The following UBE2D4 variants were observed in gnomAD, a reference collection of about 807,000 sequenced individuals.
UBE2D4 encodes the protein ubiquitin-conjugating enzyme E2 D4.
Under a neutral mutation model 23.0 loss-of-function variants are expected in UBE2D4, and 17 were observed. The observed-to-expected ratio is 0.74, with a 90% CI of 0.51 to 1.11. The LOEUF (loss-of-function observed/expected upper bound fraction) is 1.11. UBE2D4 is among the 50% of genes least tolerant of loss of function. The probability of loss-of-function intolerance (pLI) is 0.00; values close to 1 mark genes in which losing one functional copy is unlikely to be tolerated. For synonymous variants in UBE2D4, 61 were observed against 69.4 expected (o/e 0.88, Z 0.60); for missense variants, 139 against 181.8 (o/e 0.76, Z 1.35).
At chr7:43,935,893 C>T (rs1452538025) in intron 1 of UBE2D4, among the ~76,000 whole-genome samples, 1 of 152,152 alleles carries the variant, frequency 6.6e-6, no homozygotes. Context: ...CCATAGATAT[C>T]AGTGTTCTGC....
intron 1 of UBE2D4, among the ~76,000 whole-genome samples, chr7:43,933,104 TA>T: frequency 6.7e-6 from 1 of 148,884 alleles, no homozygotes. Flanking sequence ...TGTATATATA[TA>T]ACATATATAC....
Position 43,952,669 on chromosome 7 carries a change from G to C in UBE2D4, c.418G>C (p.Glu140Gln). ...TTCCAGGTACAACAGACTAGCAAGAGAGTGGACACAAAAATATGCTATGTA... is the reference window on the plus strand; with the variant it reads ...TTCCAGGTACAACAGACTAGCAAGACAGTGGACACAAAAATATGCTATGTA... Reference protein sequence around the residue: ...DREKYNRLAREWTQKYAM With the variant: ...DREKYNRLARQWTQKYAM Residue 140 changes from glutamate (E) to glutamine (Q), a missense_variant, in exon 7 of 7, where the codon GAG becomes CAG. Coordinates refer to ENST00000222402, the MANE Select transcript of UBE2D4 (RefSeq NM_015983.4). 6.2e-7 allele frequency: 1 copy of C among 1,613,942 alleles called. No individual in the cohort carries two copies. Among genetic ancestry groups the C allele is most frequent in the East Asian group, 2.2e-5 (1 of 44,874 alleles).
At chr7:43,951,757 G>A (rs914976472) in intron 6 of UBE2D4, among the ~76,000 whole-genome samples, 3 of 152,112 alleles carry the variant, frequency 2.0e-5, no homozygotes, top group East Asian at 3.9e-4. Flanking sequence ...TCCTGGACTC[G>A]AGCAATCTGC....
At chr7:43,937,465 T>C (rs959618682) in intron 1 of UBE2D4, among the ~76,000 whole-genome samples, 4 of 152,226 alleles carry the variant, frequency 2.6e-5, no homozygotes, top group African/African-American at 9.6e-5. Context: ...TAATGCTGCT[T>C]CCTGAGTGCT....
At chr7:43,940,657 C>T (rs568477828) in intron 2 of UBE2D4, among the ~76,000 whole-genome samples, 86 of 152,300 alleles carry the variant, frequency 5.6e-4, no homozygotes, top group South Asian at 1.2e-3. Flanking sequence ...TATCCTTTCT[C>T]GTCCTCTTGC....
intron 1 of UBE2D4, among the ~76,000 whole-genome samples, chr7:43,928,921 G>A (rs2095939448): frequency 6.6e-6 from 1 of 152,142 alleles, no homozygotes; most frequent in African/African-American, 2.4e-5. Flanking sequence ...AAACAAGTTT[G>A]GGCCTTGAGC....
intron 2 of UBE2D4, chr7:43,940,937 A>T (rs1028756114): frequency 2.0e-5 from 3 of 152,216 alleles, no homozygotes; most frequent in African/African-American, 4.8e-5. Context: ...TATTACAGGT[A>T]AAGGTGTTCT....
chr7:43,932,613 C>T, intron 1 of UBE2D4, among the ~76,000 whole-genome samples: 1 of 151,896 alleles, frequency 6.6e-6, no homozygotes, highest in Non-Finnish European at 1.5e-5. Context: ...GCCAACATGG[C>T]AAAACCCTGT....
At chr7:43,946,012 G>C (rs2095986228) in intron 4 of UBE2D4, 1 of 151,952 alleles carries the variant, frequency 6.6e-6, no homozygotes, top group Non-Finnish European at 1.5e-5. Flanking sequence ...TCGAACTCCT[G>C]ACCTTGTGAT....
chr7:43,934,453 C>CTTTT (rs36122809), intron 1 of UBE2D4, among the ~76,000 whole-genome samples: 1,660 of 142,232 alleles, frequency 0.012, 34 homozygotes, highest in African/African-American at 0.04. Context: ...CTTGTTTTTC[C>CTTTT]TTTTTTTTTT....
intron 1 of UBE2D4, among the ~76,000 whole-genome samples, chr7:43,937,202 GT>G (rs2095960468): frequency 6.6e-6 from 1 of 152,232 alleles, no homozygotes; most frequent in Non-Finnish European, 1.5e-5. Flanking sequence ...GCCCCTGGCT[GT>G]TCATATAACC....
rs1222830950 is a variant in UBE2D4, at chr7:43,955,188, G to C, written c.*2493G>C. ...CAAAAACCTTGTTTTAAGAGCCACTGTGGTACAGTCAATGTAACCCACTTG... is the reference window on the plus strand; with the variant it reads ...CAAAAACCTTGTTTTAAGAGCCACTCTGGTACAGTCAATGTAACCCACTTG... On this transcript the variant is annotated 3_prime_UTR_variant, in exon 7 of 7. Transcript: ENST00000222402. The C allele has an allele frequency of 1.3e-5, 2 of 152,134 alleles. No homozygotes were observed. Among genetic ancestry groups the C allele is most frequent in the Non-Finnish European group, 2.9e-5 (2 of 68,032 alleles). The allele number at this position is 152,134 out of a possible 1,614,324, so 9.4% of individuals were successfully genotyped here.
Position 43,926,468 on chromosome 7 carries a change from A to G in UBE2D4, c.-65A>G. 9 of 1,397,364 alleles carry G rather than the reference A, an allele frequency of 6.4e-6. No homozygotes were observed. Among genetic ancestry groups the G allele is most frequent in the South Asian group, 3.0e-5 (2 of 67,734 alleles). The allele number at this position is 1,397,364 out of a possible 1,614,324, so 86.6% of individuals were successfully genotyped here. A position where few individuals can be genotyped will look rare whatever the true frequency, so the allele number is the denominator to read the frequency against. ...CCGGCGTGCAGCTTGGTGGCGGCTGAGCCGGCAGCGGGCCGCCTCAGGCAG... is the reference window on the plus strand; with the variant it reads ...CCGGCGTGCAGCTTGGTGGCGGCTGGGCCGGCAGCGGGCCGCCTCAGGCAG... On this transcript the variant is annotated 5_prime_UTR_variant, in exon 1 of 7. Coordinates refer to ENST00000222402, the MANE Select transcript of UBE2D4 (RefSeq NM_015983.4).
intron 2 of UBE2D4, among the ~76,000 whole-genome samples, chr7:43,938,777 A>G (rs956120268): frequency 6.6e-6 from 1 of 152,232 alleles, no homozygotes; most frequent in Non-Finnish European, 1.5e-5. Context: ...CAGAGGTTGC[A>G]GTGAGCCAAG....
chr7:43,954,938 G>A lies in UBE2D4; in HGVS notation c.*2243G>A, dbSNP rs531029374. The A allele has an allele frequency of 6.6e-6, 1 of 152,324 alleles. No individual in the cohort carries two copies. Among genetic ancestry groups the A allele is most frequent in the East Asian group, 1.9e-4 (1 of 5,188 alleles). The allele number at this position is 152,324 out of a possible 1,614,324, so 9.4% of individuals were successfully genotyped here. On this transcript the variant is annotated 3_prime_UTR_variant, in exon 7 of 7. Transcript: ENST00000222402. ...TTCCCAAGAAACTGATGAATTTTCT[G>A]AGTCCAGACAAAATTTCCCCAAGCC...
chr7:43,927,270 G>A (rs190643708), intron 1 of UBE2D4, among the ~76,000 whole-genome samples: 2 of 149,674 alleles, frequency 1.3e-5, no homozygotes, highest in African/African-American at 4.9e-5. Flanking sequence ...AATAGTAAAT[G>A]TAAGCATGTT....
Position 43,952,860 on chromosome 7 carries a change from C to T in UBE2D4, c.*165C>T. On this transcript the variant is annotated 3_prime_UTR_variant, in exon 7 of 7. Transcript: ENST00000222402. ...AGCTGCAGCATGTTGGTGCCATTTT[C>T]AGCAATTACGGCTTTGACAGTGCCA... The T allele has an allele frequency of 1.6e-6, 1 of 615,666 alleles. No individual in the cohort carries two copies. Among genetic ancestry groups the T allele is most frequent in the Non-Finnish European group, 3.0e-6 (1 of 338,810 alleles). 38.1% of individuals were successfully genotyped at this position (615,666 alleles called of 1,614,324 possible). A position where few individuals can be genotyped will look rare whatever the true frequency, so the allele number is the denominator to read the frequency against.
chr7:43,946,310 A>G (rs2132787870), intron 4 of UBE2D4: 1 of 152,354 alleles, frequency 6.6e-6, no homozygotes, highest in African/African-American at 2.4e-5. Flanking sequence ...GGTCATTTGA[A>G]GAAGTAATGT....
At chr7:43,945,069 T>C (rs2095982608) in intron 4 of UBE2D4, 2 of 152,232 alleles carry the variant, frequency 1.3e-5, no homozygotes. Context: ...CTCAGCTCAC[T>C]GCAACCTCCG....
Sources: gnomAD v4.1 joint callset for allele counts (sites outside exome capture counted in the v4.1 genomes callset) on GRCh38, gnomAD v4.1.1 for gene constraint, MANE v1.5 for transcripts, NCBI Gene and HGNC (gene_info 2026-07-23, HGNC 2026-07-21) for gene names.